SYNE1: variants seen among roughly 807,000 people sequenced by gnomAD.
SYNE1 encodes the protein nesprin-1.
SYNE1 carries 616 observed loss-of-function variants against 1,111.0 expected under a neutral mutation model. That is an observed-to-expected ratio of 0.55 (90% CI 0.52 to 0.59). The LOEUF (loss-of-function observed/expected upper bound fraction) is 0.59, where lower values mean the gene tolerates loss of function less well. SYNE1 is among the 20% of genes least tolerant of loss of function. SYNE1 has a pLI of 0.00. For missense variants in SYNE1, 10,006 were observed against 10,417.0 expected (o/e 0.96, Z 1.72); for synonymous variants, 3,855 against 3,825.8 (o/e 1.01, Z -0.28).
intron 142 of SYNE1, 30 bp from the exon 143 acceptor site, chr6:152,133,518 T>C (rs2152721198): frequency 6.2e-7 from 1 of 1,608,078 alleles, no homozygotes; most frequent in East Asian, 2.2e-5. Context: ...TTAATTTTTC[T>C]AAGCATTTTT....
At chr6:152,452,101 G>A (rs915287255) in intron 25 of SYNE1, among the ~76,000 whole-genome samples, 1 of 151,918 alleles carries the variant, frequency 6.6e-6, no homozygotes, top group Non-Finnish European at 1.5e-5. Flanking sequence ...AAGCAAGCAA[G>A]CACTCAAACA....
chr6:152,422,437 CT>C (rs972662894), intron 39 of SYNE1, among the ~76,000 whole-genome samples: 2 of 152,094 alleles, frequency 1.3e-5, no homozygotes, highest in Non-Finnish European at 2.9e-5. Flanking sequence ...TTTCAGTTTG[CT>C]TTTTTTCTGT....
chr6:152,219,504 A>C lies in SYNE1; in HGVS notation c.21862-319T>G, dbSNP rs373756676. On this transcript the variant is annotated intron_variant, in intron 119 of 145. Coordinates refer to ENST00000367255, the MANE Select transcript of SYNE1 (RefSeq NM_182961.4). Reference sequence around the variant, plus strand: ...ACATACATAAACAAGAAAAAAAAAAAAAACAAACATGACCCAAGAGTAGAG... The same window carrying C: ...ACATACATAAACAAGAAAAAAAAAACAAACAAACATGACCCAAGAGTAGAG... Among the ~76,000 whole-genome samples the C allele has an allele frequency of 1.3e-3, 194 of 151,886 alleles. 3 individuals are homozygous for C. Among genetic ancestry groups the C allele is most frequent in the African/African-American group, 4.2e-3 (174 of 41,446 alleles).
At chr6:152,344,466 A>C (rs751718633) in intron 73 of SYNE1, among the ~76,000 whole-genome samples, 2 of 152,206 alleles carry the variant, frequency 1.3e-5, no homozygotes, top group African/African-American at 4.8e-5. Flanking sequence ...GATTAGGGGA[A>C]GAGAACATGA....
intron 114 of SYNE1, 136 bp downstream of exon 114, chr6:152,231,255 T>C: frequency 1.2e-6 from 1 of 854,064 alleles, no homozygotes; most frequent in Non-Finnish European, 1.9e-6. Context: ...TTAGGGTGAT[T>C]AACCTTCAGC....
chr6:152,528,420 TA>T (rs2099175708), intron 4 of SYNE1, among the ~76,000 whole-genome samples: 1 of 152,212 alleles, frequency 6.6e-6, no homozygotes, highest in Admixed American at 6.5e-5. Context: ...CCAGTTTGTA[TA>T]AGGTATTCTT....
intron 127 of SYNE1, among the ~76,000 whole-genome samples, chr6:152,199,089 C>G (rs1419697948): frequency 6.6e-6 from 1 of 151,938 alleles, no homozygotes; most frequent in Non-Finnish European, 1.5e-5. Flanking sequence ...TCATTTGCTT[C>G]CACATAATTT....
At chr6:152,400,652 A>T (rs2097798756) in intron 47 of SYNE1, among the ~76,000 whole-genome samples, 1 of 152,182 alleles carries the variant, frequency 6.6e-6, no homozygotes, top group Admixed American at 6.5e-5. Flanking sequence ...ACAGAGTGAG[A>T]TTCCATCTCA....
chr6:152,122,646 A>G lies in SYNE1; in HGVS notation c.26184T>C (p.Leu8728=), dbSNP rs111925860. Residue 8728 remains leucine (L), a synonymous_variant, in exon 146 of 146, where the codon CTT becomes CTC. Coordinates refer to ENST00000367255, the MANE Select transcript of SYNE1 (RefSeq NM_182961.4). ...RSTKGGSDSS[L]SEPGPGRSGR... is the part of the protein sequence containing the mutation. Reference sequence around the variant, plus strand: ...CGGACCGACCTGGCCCTGGCTCAGAAAGGGAGGAATCGGAGCCACCTTTTG... The same window carrying G: ...CGGACCGACCTGGCCCTGGCTCAGAGAGGGAGGAATCGGAGCCACCTTTTG... 6.2e-7 allele frequency: 1 copy of G among 1,614,078 alleles called. No homozygotes were observed. Among genetic ancestry groups the G allele is most frequent in the Non-Finnish European group, 8.5e-7 (1 of 1,179,962 alleles).
At chr6:152,507,235 A>C (rs1336511691) in intron 8 of SYNE1, among the ~76,000 whole-genome samples, 1 of 152,180 alleles carries the variant, frequency 6.6e-6, no homozygotes, top group Non-Finnish European at 1.5e-5. Flanking sequence ...TTGTTAAGCC[A>C]CCTCAAATTA....
At chr6:152,406,449 T>A in intron 45 of SYNE1, among the ~76,000 whole-genome samples, 1 of 151,466 alleles carries the variant, frequency 6.6e-6, no homozygotes. Context: ...CTACTAATGA[T>A]TTAAAGAGCC....
At chr6:152,175,151 A>G (rs1036301742) in intron 130 of SYNE1, among the ~76,000 whole-genome samples, 10 of 152,224 alleles carry the variant, frequency 6.6e-5, no homozygotes, top group African/African-American at 2.4e-4. Context: ...AGATTGTGCC[A>G]CTGTACTCCA....
intron 3 of SYNE1, among the ~76,000 whole-genome samples, chr6:152,575,831 T>A (rs548312361): frequency 6.6e-6 from 1 of 152,366 alleles, no homozygotes; most frequent in African/African-American, 2.4e-5. Flanking sequence ...GTGCCTGGAA[T>A]GTAATAGGCA....
chr6:152,610,363 A>C (rs2099627880), intron 3 of SYNE1, among the ~76,000 whole-genome samples: 1 of 152,222 alleles, frequency 6.6e-6, no homozygotes, highest in Non-Finnish European at 1.5e-5. Context: ...AAGCTTCAAT[A>C]GCCGATTCGA....
chr6:152,527,293 G>C (rs2099168071), intron 4 of SYNE1, among the ~76,000 whole-genome samples: 1 of 152,102 alleles, frequency 6.6e-6, no homozygotes. Context: ...TGTCTGAATA[G>C]TACAATTCTA....
intron 109 of SYNE1, 78 bp from the exon 110 acceptor site, chr6:152,236,381 T>G: frequency 3.9e-5 from 39 of 992,814 alleles, no homozygotes; most frequent in Non-Finnish European, 5.4e-5. Context: ...CTCTGGTACC[T>G]ACAATGTTCC....
chr6:152,197,977 G>C (rs2074522681), intron 127 of SYNE1, among the ~76,000 whole-genome samples: 1 of 151,778 alleles, frequency 6.6e-6, no homozygotes, highest in Non-Finnish European at 1.5e-5. Flanking sequence ...CTCTAGCCTG[G>C]GCAACAAGAG....
intron 7 of SYNE1, 116 bp from the exon 8 acceptor site, chr6:152,510,487 C>A: frequency 1.6e-6 from 2 of 1,222,986 alleles, no homozygotes; most frequent in Non-Finnish European, 2.3e-6. Flanking sequence ...ACATTCCTGA[C>A]AAAATGCAAG....
intron 3 of SYNE1, among the ~76,000 whole-genome samples, chr6:152,626,870 G>A (rs1042188554): frequency 2.0e-5 from 3 of 152,214 alleles, no homozygotes; most frequent in Middle Eastern, 3.4e-3. Flanking sequence ...TGAATACCCC[G>A]ATTTAAGAGC....
Sources: gnomAD v4.1 joint callset for allele counts (sites outside exome capture counted in the v4.1 genomes callset) on GRCh38, gnomAD v4.1.1 for gene constraint, MANE v1.5 for transcripts, NCBI Gene and HGNC (gene_info 2026-07-23, HGNC 2026-07-21) for gene names.